Variants in FNDC3A observed in about 807,000 individuals in gnomAD.
FNDC3A encodes the protein fibronectin type-III domain-containing protein 3A.
A neutral mutation model predicts 148.9 loss-of-function variants in FNDC3A; 32 were observed. That is an observed-to-expected ratio of 0.21 (90% CI 0.16 to 0.29). The LOEUF (loss-of-function observed/expected upper bound fraction) is 0.29. FNDC3A is among the 10% of genes least tolerant of loss of function. The probability of loss-of-function intolerance (pLI) is 1.00; values close to 1 mark genes in which losing one functional copy is unlikely to be tolerated. For missense variants in FNDC3A, 1,191 were observed against 1,452.8 expected (o/e 0.82, Z 2.93); for synonymous variants, 472 against 473.6 (o/e 1.00, Z 0.04).
At position 49,187,120 on chromosome 13, in the gene FNDC3A, A is replaced by G; in HGVS notation, c.1757-2A>G. Reference sequence around the variant, plus strand: ...CTAATACTACTTTGCTTCTTTGGATAGATCCACCAAAAGACAATGGCGGAG... The same window carrying G: ...CTAATACTACTTTGCTTCTTTGGATGGATCCACCAAAAGACAATGGCGGAG... On this transcript the variant is annotated splice_acceptor_variant, in intron 15 of 25. Coordinates refer to ENST00000492622, the MANE Select transcript of FNDC3A (RefSeq NM_001079673.2). LOFTEE classifies it high-confidence loss of function. 1 of 1,610,030 alleles carries G rather than the reference A, an allele frequency of 6.2e-7. No individual in the cohort carries two copies. The highest frequency in any genetic ancestry group is 8.5e-7 in the Non-Finnish European group (1 of 1,176,960).
At chr13:49,020,422 T>C (rs927880039) in intron 2 of FNDC3A, among the ~76,000 whole-genome samples, 3 of 152,244 alleles carry the variant, frequency 2.0e-5, no homozygotes, top group Admixed American at 1.3e-4. Flanking sequence ...TTAAGTCTTA[T>C]CAGTCAGAAT....
intron 1 of FNDC3A, among the ~76,000 whole-genome samples, chr13:48,986,570 T>C (rs914502763): frequency 6.6e-6 from 1 of 151,800 alleles, no homozygotes; most frequent in Non-Finnish European, 1.5e-5. Context: ...TAATTTTTTG[T>C]ATTTTTTAGT....
intron 1 of FNDC3A, among the ~76,000 whole-genome samples, chr13:48,991,183 A>G (rs147558858): frequency 4.2e-3 from 634 of 152,320 alleles, no homozygotes; most frequent in Non-Finnish European, 5.7e-3. Context: ...AGACCCAAAT[A>G]TTTCACATCT....
At chr13:49,069,083 ATACTC>A (rs939876859) in intron 2 of FNDC3A, among the ~76,000 whole-genome samples, 5 of 152,190 alleles carry the variant, frequency 3.3e-5, no homozygotes, top group African/African-American at 1.2e-4. Context: ...TGTACTGAAA[ATACTC>A]TACATGGTTA....
intron 2 of FNDC3A, among the ~76,000 whole-genome samples, chr13:49,022,603 T>G (rs913987976): frequency 3.3e-5 from 5 of 152,130 alleles, no homozygotes; most frequent in African/African-American, 9.7e-5. Flanking sequence ...AAGCTTATAC[T>G]TTTGTGACAA....
intron 2 of FNDC3A, among the ~76,000 whole-genome samples, chr13:49,062,989 T>C (rs555310274): frequency 6.6e-6 from 1 of 152,358 alleles, no homozygotes; most frequent in South Asian, 2.1e-4. Context: ...ATCAGTTTTA[T>C]GTGTATATCA....
chr13:49,068,815 TACA>T (rs2137761054), intron 2 of FNDC3A, among the ~76,000 whole-genome samples: 1 of 152,170 alleles, frequency 6.6e-6, no homozygotes, highest in African/African-American at 2.4e-5. Context: ...AGAAAACAAA[TACA>T]ACATGTTCTT....
chr13:49,152,593 G>A (rs1883376178), intron 8 of FNDC3A, among the ~76,000 whole-genome samples: 1 of 151,776 alleles, frequency 6.6e-6, no homozygotes, highest in African/African-American at 2.4e-5. Context: ...CATGTGCCAT[G>A]CTGGTGCGCT....
chr13:49,037,769 C>T (rs1380395741), intron 2 of FNDC3A, among the ~76,000 whole-genome samples: 2 of 152,140 alleles, frequency 1.3e-5, no homozygotes, highest in African/African-American at 4.8e-5. Flanking sequence ...AGCGGGAACT[C>T]GCAGATGGGC....
intron 2 of FNDC3A, among the ~76,000 whole-genome samples, chr13:49,063,200 G>T (rs1877017967): frequency 6.6e-6 from 1 of 151,988 alleles, no homozygotes; most frequent in Non-Finnish European, 1.5e-5. Flanking sequence ...TGACATTTTG[G>T]CAATTTAGAC....
At chr13:49,184,719 A>G (rs950010502) in intron 14 of FNDC3A, among the ~76,000 whole-genome samples, 1 of 152,122 alleles carries the variant, frequency 6.6e-6, no homozygotes, top group Admixed American at 6.5e-5. Context: ...CATTTGTGGT[A>G]GCAGCTAAAT....
chr13:49,073,975 G>A (rs1039667300), intron 2 of FNDC3A, among the ~76,000 whole-genome samples: 2 of 151,584 alleles, frequency 1.3e-5, no homozygotes, highest in African/African-American at 4.8e-5. Context: ...CATCTGTCAA[G>A]GCAGCAAAGA....
At chr13:49,120,707 T>A (rs1881281477) in intron 4 of FNDC3A, among the ~76,000 whole-genome samples, 1 of 148,990 alleles carries the variant, frequency 6.7e-6, no homozygotes, top group Non-Finnish European at 1.5e-5. Context: ...TAGTCTCTGA[T>A]AAAACAGACT....
At position 48,996,186 on chromosome 13, in the gene FNDC3A, T is replaced by TA. The variant is rs549326273; in HGVS notation, c.-39-9957dup. ...GGTGGTATAAACCATATCCATATTA[T>TA]AAAAAAAAACTTGAGAAATAGAAAC... On this transcript the variant is annotated intron_variant, in intron 1 of 25. Coordinates refer to ENST00000492622, the MANE Select transcript of FNDC3A (RefSeq NM_001079673.2). Among the ~76,000 whole-genome samples the TA allele has an allele frequency of 1.7e-3, 262 of 151,628 alleles. 1 individual carries two copies. The highest frequency in any genetic ancestry group is 5.8e-3 in the African/African-American group (239 of 41,408).
At chr13:48,993,587 A>G (rs530153312) in intron 1 of FNDC3A, among the ~76,000 whole-genome samples, 3 of 152,346 alleles carry the variant, frequency 2.0e-5, no homozygotes, top group African/African-American at 4.8e-5. Context: ...TTTACCATAC[A>G]TGAACTTTTT....
chr13:49,127,972 C>G (rs1007022811), intron 4 of FNDC3A, among the ~76,000 whole-genome samples: 4 of 152,116 alleles, frequency 2.6e-5, no homozygotes, highest in African/African-American at 7.2e-5. Flanking sequence ...ACCTCTGCCT[C>G]CCGGGTTCAA....
At chr13:49,142,358 C>T (rs1882736945) in intron 7 of FNDC3A, among the ~76,000 whole-genome samples, 1 of 152,104 alleles carries the variant, frequency 6.6e-6, no homozygotes, top group African/African-American at 2.4e-5. Flanking sequence ...TCGGTAAACA[C>T]TTACCCATCC....
At chr13:49,056,038 T>A (rs559304439) in intron 2 of FNDC3A, among the ~76,000 whole-genome samples, 119 of 151,096 alleles carry the variant, frequency 7.9e-4, no homozygotes, top group African/African-American at 2.8e-3. Context: ...ATAAAAAAAA[T>A]TAACTGGGTG....
chr13:48,997,192 T>C (rs1268178122), intron 1 of FNDC3A, among the ~76,000 whole-genome samples: 2 of 152,210 alleles, frequency 1.3e-5, no homozygotes, highest in Non-Finnish European at 2.9e-5. Flanking sequence ...ACATGCTTTT[T>C]AGACAAAAAG....
Sources: gnomAD v4.1 joint callset for allele counts (sites outside exome capture counted in the v4.1 genomes callset) on GRCh38, gnomAD v4.1.1 for gene constraint, MANE v1.5 for transcripts, NCBI Gene and HGNC (gene_info 2026-07-23, HGNC 2026-07-21) for gene names.